Variants in TVP23A observed in about 807,000 individuals in gnomAD.
TVP23A encodes Golgi apparatus membrane protein TVP23 homolog A.
TVP23A carries 21 observed loss-of-function variants against 31.7 expected under a neutral mutation model. The observed-to-expected ratio is 0.66, with a 90% CI of 0.47 to 0.95. TVP23A has a LOEUF of 0.95. Ranked by LOEUF, TVP23A falls within the 40% of genes least tolerant of loss-of-function variation. The pLI, the probability that TVP23A is intolerant of heterozygous loss-of-function variation, is 0.00. For missense variants in TVP23A, 279 were observed against 255.6 expected, an observed-to-expected ratio of 1.09 and a Z score of -0.62; for synonymous variants, 104 against 96.0, an observed-to-expected ratio of 1.08 and a Z score of -0.49.
At chr16:10,762,155 A>G (rs965456808), downstream of TVP23A, 1 of 262,800 alleles carries the variant, frequency 3.8e-6, no homozygotes, top group Non-Finnish European at 7.3e-6. Context: ...GGCACCCGAT[A>G]GAGGGGCGGC....
Position 10,767,853 on chromosome 16 carries a change from TTC to T in TVP23A, c.*1247_*1248del. ...TTACGAGTGAAGCGGGCTCAAGATC[TTC>T]CCATTGTCACCAGCACGGAAAGAGC... On this transcript the variant is annotated 3_prime_UTR_variant, in exon 8 of 8. Coordinates refer to ENST00000299866, the MANE Select transcript of TVP23A (RefSeq NM_001079512.4). This position sits in a 1 kb window ranked among gnomAD's most constrained non-coding sequence, Gnocchi z 4.6. 8.7e-7 allele frequency: 1 copy of T among 1,146,426 alleles called. No individual in the cohort carries two copies. Among genetic ancestry groups the T allele is most frequent in the Non-Finnish European group, 1.3e-6 (1 of 761,456 alleles). The allele number at this position is 1,146,426 out of a possible 1,614,324, so 71.0% of individuals were successfully genotyped here. A position where few individuals can be genotyped will look rare whatever the true frequency, so the allele number is the denominator to read the frequency against.
intron 2 of TVP23A, among the ~76,000 whole-genome samples, chr16:10,797,808 G>C (rs78347433): frequency 0.021 from 3,177 of 152,044 alleles, 109 homozygotes; most frequent in African/African-American, 0.073. Flanking sequence ...CAAAATGATC[G>C]GGGGAAGGTG....
intron 2 of TVP23A, among the ~76,000 whole-genome samples, chr16:10,794,659 G>T (rs1187477981): frequency 6.6e-6 from 1 of 152,176 alleles, no homozygotes; most frequent in Non-Finnish European, 1.5e-5. Flanking sequence ...TATGCAGGTG[G>T]TGCACAGGGT....
chr16:10,768,950 C>T lies in TVP23A; in HGVS notation c.*152G>A, dbSNP rs1048294743. ...TTTTTATGGAACTAGCCAGAGGATT[C>T]CACCCCTGTCAAAACACAGCCCTCC... On this transcript the variant is annotated 3_prime_UTR_variant, in exon 8 of 8. Coordinates refer to ENST00000299866, the MANE Select transcript of TVP23A (RefSeq NM_001079512.4). The surrounding 1 kb of genome is among the most constrained non-coding windows in gnomAD (Gnocchi z 4.3). The T allele has an allele frequency of 3.6e-5, 38 of 1,066,504 alleles. No individual in the cohort carries two copies. The highest frequency in any genetic ancestry group is 5.2e-5 in the Non-Finnish European group (36 of 695,454). 66.1% of individuals were successfully genotyped at this position (1,066,504 alleles called of 1,614,324 possible).
chr16:10,792,357 G>A (rs2142991799), intron 2 of TVP23A, among the ~76,000 whole-genome samples: 1 of 152,292 alleles, frequency 6.6e-6, no homozygotes, highest in African/African-American at 2.4e-5. Flanking sequence ...CCAGGTGCCA[G>A]GGGAGGCAGC....
chr16:10,806,240 G>T (rs984889711), intron 2 of TVP23A, among the ~76,000 whole-genome samples: 1 of 152,136 alleles, frequency 6.6e-6, no homozygotes, highest in African/African-American at 2.4e-5. Context: ...CTACTCAGAA[G>T]ACTGAAGCAG....
At chr16:10,781,658 CG>C (rs2032430718) in intron 2 of TVP23A, among the ~76,000 whole-genome samples, 1 of 152,122 alleles carries the variant, frequency 6.6e-6, no homozygotes, top group South Asian at 2.1e-4. Flanking sequence ...CAGCTCTACC[CG>C]GGTTCAGCAA....
At chr16:10,816,306 CTTT>C (rs1465651749) in intron 2 of TVP23A, among the ~76,000 whole-genome samples, 242 of 148,388 alleles carry the variant, frequency 1.6e-3, no homozygotes, top group African/African-American at 6.0e-3. Flanking sequence ...ATGAAAGGGA[CTTT>C]GCAGATGTAA....
At chr16:10,797,203 T>G (rs1341246636) in intron 2 of TVP23A, among the ~76,000 whole-genome samples, 1 of 151,364 alleles carries the variant, frequency 6.6e-6, no homozygotes, top group Non-Finnish European at 1.5e-5. Flanking sequence ...AAAAAAAGAT[T>G]GAAAGTTCAG....
At position 10,767,859 on chromosome 16, in the gene TVP23A, T is replaced by A. The variant is rs2233540; in HGVS notation, c.*1243A>T. 8.9e-5 allele frequency: 108 copies of A among 1,212,918 alleles called. No individual in the cohort carries two copies. Among genetic ancestry groups the A allele is most frequent in the Admixed American group, 1.7e-4 (10 of 57,978 alleles). The allele number at this position is 1,212,918 out of a possible 1,614,324, so 75.1% of individuals were successfully genotyped here. A position where few individuals can be genotyped will look rare whatever the true frequency, so the allele number is the denominator to read the frequency against. ...GTGAAGCGGGCTCAAGATCTTCCCATTGTCACCAGCACGGAAAGAGCCCCA... is the reference window on the plus strand; with the variant it reads ...GTGAAGCGGGCTCAAGATCTTCCCAATGTCACCAGCACGGAAAGAGCCCCA... On this transcript the variant is annotated 3_prime_UTR_variant, in exon 8 of 8. Coordinates refer to ENST00000299866, the MANE Select transcript of TVP23A (RefSeq NM_001079512.4). The surrounding 1 kb of genome is among the most constrained non-coding windows in gnomAD (Gnocchi z 4.6).
chr16:10,775,328 G>GT, intron 2 of TVP23A: 1 of 1,350,798 alleles, frequency 7.4e-7, no homozygotes, highest in Non-Finnish European at 9.5e-7. Flanking sequence ...GAAGAATCCA[G>GT]TACTTTCCCG....
intron 7 of TVP23A, chr16:10,769,354 C>T: frequency 4.7e-6 from 2 of 423,908 alleles, no homozygotes; most frequent in Non-Finnish European, 8.3e-6. Context: ...CAAATCTCTC[C>T]CCCGAGGCCT....
intron 2 of TVP23A, among the ~76,000 whole-genome samples, chr16:10,778,739 CT>C (rs1398442250): frequency 6.6e-6 from 1 of 151,632 alleles, no homozygotes; most frequent in Non-Finnish European, 1.5e-5. Context: ...GCTGAGGCGG[CT>C]GGATCACTTG....
At position 10,794,854 on chromosome 16, in the gene TVP23A, G is replaced by C. The variant is rs2033299772; in HGVS notation, c.90-19758C>G. Among the ~76,000 whole-genome samples the C allele has an allele frequency of 3.9e-5, 6 of 152,042 alleles. No individual in the cohort carries two copies. The South Asian group carries it at 1.2e-3, about 32-fold the overall frequency. On this transcript the variant is annotated intron_variant, in intron 2 of 7. Transcript: ENST00000299866. ...TGGCAGAATCAACAGGAGGTCCTAG[G>C]TCCCCACTCACTCTCAGCCCAGGGT...
chr16:10,780,032 G>A (rs2032323130), intron 2 of TVP23A, among the ~76,000 whole-genome samples: 1 of 152,158 alleles, frequency 6.6e-6, no homozygotes, highest in South Asian at 2.1e-4. Context: ...AGTTTGCAGT[G>A]AGCCAAGATC....
At chr16:10,803,270 T>TGTGTGTGTGTGTGTGTGTGTGTGTGTGC (rs1567310412) in intron 2 of TVP23A, among the ~76,000 whole-genome samples, 1 of 151,828 alleles carries the variant, frequency 6.6e-6, no homozygotes, top group East Asian at 1.9e-4. Context: ...TGTGTGTGTG[T>TGTGTGTGTGTGTGTGTGTGTGTGTGTGC]GTGTGTGTGT....
chr16:10,774,906 A>G, intron 3 of TVP23A, 46 bp downstream of exon 3: 1 of 1,563,806 alleles, frequency 6.4e-7, no homozygotes, highest in Non-Finnish European at 8.8e-7. Context: ...CACAGGGGAC[A>G]AGCCTCGTGT....
intron 2 of TVP23A, among the ~76,000 whole-genome samples, chr16:10,816,392 G>C (rs892775984): frequency 6.6e-6 from 1 of 151,464 alleles, no homozygotes; most frequent in Non-Finnish European, 1.5e-5. Flanking sequence ...GGAGTGTAGT[G>C]GTGTGATCTC....
chr16:10,761,315 C>A, exon 9 of TVP23A: 1 of 1,560,492 alleles, frequency 6.4e-7, no homozygotes, highest in South Asian at 1.1e-5. Context: ...ACAGACATTC[C>A]CTTTCTCGCA....
Sources: allele counts gnomAD v4.1 joint callset (sites outside exome capture counted in the v4.1 genomes callset), GRCh38; gene constraint gnomAD v4.1.1; non-coding constraint Gnocchi (gnomAD v3.1); transcripts MANE v1.5; gene names NCBI Gene and HGNC (gene_info 2026-07-23, HGNC 2026-07-21).